The following CRTAC1 variants were observed in gnomAD, a reference collection of about 807,000 sequenced individuals.
The protein encoded by CRTAC1 is acidic secreted protein in cartilage.
Under a neutral mutation model 67.8 loss-of-function variants are expected in CRTAC1, and 37 were observed. That is an observed-to-expected ratio of 0.55 (90% CI 0.42 to 0.72). The LOEUF is 0.72. CRTAC1 is among the 30% of genes least tolerant of loss of function. CRTAC1 has a pLI of 0.00. For missense variants in CRTAC1, 780 were observed against 931.6 expected, an observed-to-expected ratio of 0.84 and a Z score of 2.12; for synonymous variants, 348 against 371.0, an observed-to-expected ratio of 0.94 and a Z score of 0.71.
Position 98,029,601 on chromosome 10 carries a change from G to T in CRTAC1, c.24+848C>A, listed in dbSNP as rs1157300511. ...CTCTCAACCCTAGGAGAATTTCCCCGCCACTCTGGGAGGCTTCCATCCAGG... is the reference window on the plus strand; with the variant it reads ...CTCTCAACCCTAGGAGAATTTCCCCTCCACTCTGGGAGGCTTCCATCCAGG... On this transcript the variant is annotated intron_variant, in intron 1 of 14. Coordinates refer to ENST00000370597, the MANE Select transcript of CRTAC1 (RefSeq NM_018058.7). The surrounding 1 kb of genome is among the most constrained non-coding windows in gnomAD (Gnocchi z 4.7). Among the ~76,000 whole-genome samples the T allele has an allele frequency of 6.6e-6, 1 of 152,252 alleles. No homozygotes were observed. The highest frequency in any genetic ancestry group is 1.9e-4 in the East Asian group (1 of 5,170).
At chr10:97,973,854 TG>T (rs1026325790) in intron 2 of CRTAC1, among the ~76,000 whole-genome samples, 1 of 151,560 alleles carries the variant, frequency 6.6e-6, no homozygotes, top group African/African-American at 2.4e-5. Context: ...CAGGGGTGTG[TG>T]GATAGGCCCT....
intron 14 of CRTAC1, among the ~76,000 whole-genome samples, chr10:97,876,452 A>G (rs1247901329): frequency 6.6e-6 from 1 of 152,218 alleles, no homozygotes; most frequent in African/African-American, 2.4e-5. Context: ...TGAGCAGAAT[A>G]AAAATGGTAT....
intron 8 of CRTAC1, among the ~76,000 whole-genome samples, chr10:97,899,074 A>C (rs1010775858): frequency 7.9e-5 from 12 of 152,192 alleles, no homozygotes; most frequent in Non-Finnish European, 1.5e-4. Context: ...CACCAGGGCC[A>C]AGGAGCCCAC....
chr10:97,931,248 T>G (rs917165626), intron 3 of CRTAC1, among the ~76,000 whole-genome samples: 18 of 152,226 alleles, frequency 1.2e-4, no homozygotes, highest in African/African-American at 4.3e-4. Context: ...GACACGAACT[T>G]CCTGAGCAGT....
intron 1 of CRTAC1, among the ~76,000 whole-genome samples, chr10:98,022,555 T>C (rs1843145907): frequency 6.6e-6 from 1 of 151,816 alleles, no homozygotes; most frequent in Non-Finnish European, 1.5e-5. Flanking sequence ...GTGAGACAGC[T>C]TGATACATGC....
chr10:97,903,536 C>T (rs1487762917), intron 7 of CRTAC1, among the ~76,000 whole-genome samples: 2 of 151,872 alleles, frequency 1.3e-5, no homozygotes, highest in Non-Finnish European at 2.9e-5. Flanking sequence ...AAGGTGGCTG[C>T]TTACAGGGAA....
chr10:97,985,843 T>C (rs2051972376), intron 2 of CRTAC1, among the ~76,000 whole-genome samples: 1 of 152,154 alleles, frequency 6.6e-6, no homozygotes, highest in Admixed American at 6.5e-5. Context: ...TCCCAGCCTG[T>C]CCTGCACTGA....
intron 2 of CRTAC1, among the ~76,000 whole-genome samples, chr10:97,963,366 G>T (rs751642130): frequency 7.9e-5 from 12 of 152,170 alleles, no homozygotes; most frequent in Non-Finnish European, 1.6e-4. Context: ...GACTTCTAGA[G>T]TCAGAAACTC....
At chr10:97,991,099 C>CAAAAAA (rs757267901) in intron 2 of CRTAC1, among the ~76,000 whole-genome samples, 1,056 of 17,972 alleles carry the variant, frequency 0.059, 99 homozygotes, top group South Asian at 0.12. Context: ...ACCATCTCTA[C>CAAAAAA]AAAAAAAAAA....
At chr10:97,950,224 C>A (rs2051329143) in intron 2 of CRTAC1, among the ~76,000 whole-genome samples, 1 of 142,082 alleles carries the variant, frequency 7.0e-6, no homozygotes, top group Non-Finnish European at 1.5e-5. Context: ...GTTGGTTTTG[C>A]ATGTACGTGC....
rs777292975 is a variant in CRTAC1, at chr10:97,865,598, C to A, written c.1936G>T (p.Asp646Tyr). ...ATAAPVLVDG[D>Y]LNLGSVVKES... The stretch of plus-strand genomic sequence containing the variant: ...TTAACCACCGACCCCAGATTGAGAT[C>A]TCCATCTACGAGGACCGGTGCAGCA... The change falls in exon 15 of 15, where the codon GAT (aspartate) becomes TAT (tyrosine). Residue 646 changes from aspartate to tyrosine, a missense_variant. Coordinates refer to ENST00000370597, the MANE Select transcript of CRTAC1 (RefSeq NM_018058.7). 12 of 1,613,354 alleles carry A rather than the reference C, an allele frequency of 7.4e-6. No individual in the cohort carries two copies. Among genetic ancestry groups the A allele is most frequent in the Non-Finnish European group, 9.3e-6 (11 of 1,179,494 alleles).
At chr10:98,016,848 A>C (rs114407697) in intron 1 of CRTAC1, among the ~76,000 whole-genome samples, 3,060 of 150,420 alleles carry the variant, frequency 0.02, 100 homozygotes, top group African/African-American at 0.063. Context: ...GTCTATAAAG[A>C]AAACCTATTT....
intron 2 of CRTAC1, among the ~76,000 whole-genome samples, chr10:97,977,051 G>C (rs985578323): frequency 4.6e-5 from 7 of 152,240 alleles, no homozygotes; most frequent in African/African-American, 1.4e-4. Context: ...CACAGGAAAA[G>C]TGGAAGTATT....
intron 14 of CRTAC1, among the ~76,000 whole-genome samples, chr10:97,879,231 C>T (rs1013142711): frequency 6.6e-6 from 1 of 152,108 alleles, no homozygotes; most frequent in Admixed American, 6.6e-5. Context: ...CCACCAACAC[C>T]AATAAGGCTT....
intron 3 of CRTAC1, among the ~76,000 whole-genome samples, chr10:97,932,782 G>T (rs554321275): frequency 6.6e-6 from 1 of 152,316 alleles, no homozygotes; most frequent in African/African-American, 2.4e-5. Flanking sequence ...TATAGTCTAT[G>T]GCGCCACTAG....
At chr10:98,015,318 G>A (rs1292872085) in intron 1 of CRTAC1, among the ~76,000 whole-genome samples, 2 of 152,174 alleles carry the variant, frequency 1.3e-5, no homozygotes, top group Non-Finnish European at 2.9e-5. Context: ...GAGGTAGAAA[G>A]CAGAATGGTG....
intron 4 of CRTAC1, among the ~76,000 whole-genome samples, chr10:97,922,152 AC>A (rs1263758449): frequency 6.6e-6 from 1 of 151,658 alleles, no homozygotes; most frequent in East Asian, 1.9e-4. Flanking sequence ...CCCCAGCTCC[AC>A]CCCACACTCT....
In CRTAC1 at chr10:97,904,844, C is replaced by T. The variant is rs7084675; in HGVS notation, c.851-30G>A. 4.0e-3 allele frequency: 6,293 copies of T among 1,580,998 alleles called. 151 individuals are homozygous for T. In the African/African-American group the frequency reaches 0.06, roughly 15 times the overall value. On this transcript the variant is annotated intron_variant, in intron 6 of 14. Coordinates refer to ENST00000370597, the MANE Select transcript of CRTAC1 (RefSeq NM_018058.7). ...GGAGGAGAGGCAGGAACTCTCAGGG[C>T]GGCATCCCCTGCACACTCCACAAAC...
intron 11 of CRTAC1, among the ~76,000 whole-genome samples, chr10:97,890,924 C>T (rs542372374): frequency 1.3e-5 from 2 of 152,220 alleles, no homozygotes; most frequent in Non-Finnish European, 2.9e-5. Flanking sequence ...GCCTTGGCCT[C>T]CCAAAGCGCT....
Sources: gnomAD v4.1 joint callset for allele counts (sites outside exome capture counted in the v4.1 genomes callset) on GRCh38, gnomAD v4.1.1 for gene constraint, Gnocchi (gnomAD v3.1) non-coding constraint, MANE v1.5 for transcripts, NCBI Gene and HGNC (gene_info 2026-07-23, HGNC 2026-07-21) for gene names.